SBF2: variants seen among roughly 807,000 people sequenced by gnomAD.
SBF2 encodes the protein SET binding factor 2.
In SBF2, 112 loss-of-function variants were observed where a neutral mutation model predicts 225.2. The ratio of observed to expected loss-of-function variants is 0.50; its 90% CI spans 0.43 to 0.58. SBF2 has a LOEUF of 0.58. Ranked by LOEUF, SBF2 falls within the 20% of genes least tolerant of loss-of-function variation. The pLI is 0.00. For missense variants in SBF2, 1,996 were observed against 2,206.2 expected (o/e 0.90, Z 1.91); for synonymous variants, 763 against 773.3 (o/e 0.99, Z 0.22).
intron 2 of SBF2, among the ~76,000 whole-genome samples, chr11:10,133,487 C>T (rs1202291563): frequency 2.9e-5 from 4 of 139,026 alleles, no homozygotes; most frequent in Middle Eastern, 3.4e-3. Flanking sequence ...AAATCGAACG[C>T]AGTGCCGGTG....
intron 2 of SBF2, among the ~76,000 whole-genome samples, chr11:10,058,134 C>T (rs1339433769): frequency 6.6e-6 from 1 of 152,158 alleles, no homozygotes; most frequent in Non-Finnish European, 1.5e-5. Flanking sequence ...ATGACTGCAC[C>T]AGTTCTCCAA....
At chr11:9,812,843 G>C in intron 29 of SBF2, 135 bp from the exon 30 acceptor site, 1 of 841,762 alleles carries the variant, frequency 1.2e-6, no homozygotes, top group Non-Finnish European at 1.9e-6. Flanking sequence ...GGTCAAGAAA[G>C]TCAATCTTGT....
intron 2 of SBF2, among the ~76,000 whole-genome samples, chr11:10,080,248 CAAAAAAAA>C (rs34181436): frequency 1.2e-5 from 1 of 82,226 alleles, no homozygotes; most frequent in South Asian, 4.3e-4. Context: ...AACTCTGTCT[CAAAAAAAA>C]AAAAAAAAAA....
At chr11:9,786,360 T>C (rs1477309415) in intron 36 of SBF2, among the ~76,000 whole-genome samples, 1 of 152,186 alleles carries the variant, frequency 6.6e-6, no homozygotes, top group African/African-American at 2.4e-5. Flanking sequence ...CTGTGTGTTC[T>C]TTCAAAAAAA....
chr11:10,119,014 G>C (rs1359711604), intron 2 of SBF2, among the ~76,000 whole-genome samples: 1 of 151,608 alleles, frequency 6.6e-6, no homozygotes, highest in East Asian at 1.9e-4. Context: ...AGAACAATCT[G>C]CTGTTCCAAG....
Position 9,839,616 on chromosome 11 carries a change from C to G in SBF2, c.3337G>C (p.Ala1113Pro). Residue 1113 changes from alanine (A) to proline (P), a missense_variant, in exon 26 of 40, where the codon GCT becomes CCT. Coordinates refer to ENST00000256190, the MANE Select transcript of SBF2 (RefSeq NM_030962.4). ...KSTMEQLVEKACFRDYQRLGL... is the reference protein window; with the variant it reads ...KSTMEQLVEKPCFRDYQRLGL... ...AAACGCTGATAGTCTCTGAAACAAG[C>G]TTTTTCCACCAACTGTTCCATTGTA... The G allele has an allele frequency of 6.2e-7, 1 of 1,614,148 alleles. No homozygotes were observed. Among genetic ancestry groups the G allele is most frequent in the East Asian group, 2.2e-5 (1 of 44,886 alleles).
chr11:10,293,911 T>G (rs1337885908), intron 1 of SBF2, 104 bp downstream of exon 1: 6 of 738,230 alleles, frequency 8.1e-6, no homozygotes, highest in Non-Finnish European at 1.1e-5. Flanking sequence ...AGACTCGGCC[T>G]GGCCCTCCCC....
intron 1 of SBF2, among the ~76,000 whole-genome samples, chr11:10,238,344 A>T (rs1959163521): frequency 6.6e-6 from 1 of 151,744 alleles, no homozygotes; most frequent in Non-Finnish European, 1.5e-5. Context: ...GGGGTGGTTG[A>T]GGCTGTGGTG....
At chr11:9,862,922 T>C (rs958699368) in intron 17 of SBF2, among the ~76,000 whole-genome samples, 3 of 152,140 alleles carry the variant, frequency 2.0e-5, no homozygotes, top group East Asian at 3.8e-4. Flanking sequence ...GTGGTGCTGG[T>C]TGGGAATGCT....
chr11:10,099,949 AAGC>A (rs1393124899), intron 2 of SBF2, among the ~76,000 whole-genome samples: 2 of 152,202 alleles, frequency 1.3e-5, no homozygotes, highest in Non-Finnish European at 2.9e-5. Flanking sequence ...AGGACCTACA[AAGC>A]AGCAGGAAAA....
At chr11:9,965,685 G>A (rs1436467658) in intron 14 of SBF2, among the ~76,000 whole-genome samples, 1 of 152,142 alleles carries the variant, frequency 6.6e-6, no homozygotes, top group African/African-American at 2.4e-5. Context: ...CCCCTATGGT[G>A]ACATCTTTCA....
intron 2 of SBF2, among the ~76,000 whole-genome samples, chr11:10,063,965 CA>C (rs891732586): frequency 2.0e-5 from 3 of 151,288 alleles, no homozygotes; most frequent in African/African-American, 7.3e-5. Flanking sequence ...TCGGGGGGAG[CA>C]AAAATATTTT....
chr11:9,850,367 G>A (rs1856837080), intron 21 of SBF2, 149 bp from the exon 22 acceptor site: 1 of 753,884 alleles, frequency 1.3e-6, no homozygotes, highest in African/African-American at 1.7e-5. Context: ...AAGATCCTCT[G>A]ACCTCAGCCT....
At chr11:10,262,013 T>C (rs1961485558) in intron 1 of SBF2, among the ~76,000 whole-genome samples, 1 of 152,272 alleles carries the variant, frequency 6.6e-6, no homozygotes, top group South Asian at 2.1e-4. Flanking sequence ...TACTGTATCT[T>C]AATACATGTT....
intron 1 of SBF2, chr11:10,272,039 C>T (rs1591344771): frequency 8.9e-7 from 1 of 1,123,490 alleles, no homozygotes; most frequent in East Asian, 2.6e-5. Context: ...CCTCAGCAAA[C>T]TTCTCTCGAG....
chr11:10,029,939 C>G, intron 4 of SBF2, 64 bp from the exon 5 acceptor site: 2 of 1,092,390 alleles, frequency 1.8e-6, no homozygotes, highest in East Asian at 4.7e-5. Context: ...ATTGTTATGA[C>G]ATCTGCTCTA....
intron 1 of SBF2, among the ~76,000 whole-genome samples, chr11:10,251,028 C>A (rs1358132512): frequency 2.0e-5 from 3 of 152,156 alleles, no homozygotes; most frequent in African/African-American, 7.2e-5. Context: ...CTTATTTATG[C>A]CTCCATGAAC....
chr11:9,906,357 C>A (rs7931062), intron 16 of SBF2, among the ~76,000 whole-genome samples: 89,684 of 151,970 alleles, frequency 0.59, 26,873 homozygotes, highest in African/African-American at 0.65. Flanking sequence ...AAGCCCTACA[C>A]ACTCATTTAT....
At chr11:9,865,592 G>A (rs1858129251) in intron 17 of SBF2, among the ~76,000 whole-genome samples, 1 of 149,000 alleles carries the variant, frequency 6.7e-6, no homozygotes, top group South Asian at 2.1e-4. Context: ...TTGGGAGGCT[G>A]AGGCAGAAGA....
Sources: gnomAD v4.1 joint callset for allele counts (sites outside exome capture counted in the v4.1 genomes callset) on GRCh38, gnomAD v4.1.1 for gene constraint, MANE v1.5 for transcripts, NCBI Gene and HGNC (gene_info 2026-07-23, HGNC 2026-07-21) for gene names.